KBTBD11: variants seen among roughly 807,000 people sequenced by gnomAD.
KBTBD11 encodes the protein kelch repeat and BTB domain-containing protein 11.
For synonymous variants in KBTBD11, 747 were observed against 499.0 expected (o/e 1.50, Z -6.63); for missense variants, 1,390 against 1,001.8 (o/e 1.39, Z -5.23).
intron 1 of KBTBD11, among the ~76,000 whole-genome samples, chr8:1,987,411 C>A (rs2129311575): frequency 6.6e-6 from 1 of 152,252 alleles, no homozygotes; most frequent in Middle Eastern, 3.4e-3. Context: ...GAAAAGGACA[C>A]AAAGCAATCT....
At chr8:1,977,774 G>T (rs1336740493) in intron 1 of KBTBD11, among the ~76,000 whole-genome samples, 1 of 152,044 alleles carries the variant, frequency 6.6e-6, no homozygotes, top group Non-Finnish European at 1.5e-5. Flanking sequence ...GGCCTCAAGT[G>T]ATCTTCCTGC....
rs191572987 is a variant in KBTBD11 at position 1,979,461 on chromosome 8, C to G, written c.-909+5526C>G. ...CCTGGCCAACATGGTGAAACCCCGT[C>G]TCTACTAAAAACACAAAAATTAGCC... On this transcript the variant is annotated intron_variant, in intron 1 of 1. Coordinates refer to ENST00000320248, the MANE Select transcript of KBTBD11 (RefSeq NM_014867.3). Among the ~76,000 whole-genome samples, 532 of 152,278 alleles carry G rather than the reference C, an allele frequency of 3.5e-3. 9 individuals are homozygous for G. The highest frequency in any genetic ancestry group is 1.5e-3 in the South Asian group (7 of 4,826).
intron 1 of KBTBD11, among the ~76,000 whole-genome samples, chr8:1,980,373 T>C (rs71499055): frequency 0.17 from 25,349 of 151,808 alleles, 4,402 homozygotes; most frequent in African/African-American, 0.44. Context: ...ATTACAAGCA[T>C]GCATCACCAC....
chr8:1,975,087 A>G (rs1459228351), intron 1 of KBTBD11: 1 of 152,222 alleles, frequency 6.6e-6, no homozygotes, highest in Non-Finnish European at 1.5e-5. Context: ...TATTAGAATA[A>G]TCCTCCCCAT....
At chr8:1,979,247 TTGAC>T (rs1465404725) in intron 1 of KBTBD11, among the ~76,000 whole-genome samples, 5 of 152,196 alleles carry the variant, frequency 3.3e-5, no homozygotes, top group African/African-American at 9.7e-5. Context: ...TTTTAAGGCT[TTGAC>T]TGATTGGACG....
At chr8:1,989,617 T>C (rs566678418) in intron 1 of KBTBD11, among the ~76,000 whole-genome samples, 3 of 152,168 alleles carry the variant, frequency 2.0e-5, no homozygotes, top group Non-Finnish European at 2.9e-5. Flanking sequence ...AGGAAGCAGA[T>C]CAGGAAATCT....
At position 2,002,960 on chromosome 8, in the gene KBTBD11, G is replaced by T. The variant is rs1270625655; in HGVS notation, c.1768G>T (p.Gly590Cys). The change falls in exon 2 of 2, where the codon GGC becomes TGC. Residue 590 changes from glycine (G) to cysteine (C), a missense_variant. Physicochemically the swap from Gly to Cys is radical, Grantham distance 159. Transcript: ENST00000320248. The surrounding 1 kb of genome is among the most constrained non-coding windows in gnomAD (Gnocchi z 4.1). ...EAGGDAGQGG[G>C]FEALGAPLDV... ...CGGCGGCGACGCAGGCCAGGGCGGC[G>T]GCTTCGAGGCGCTGGGCGCCCCCTT... 7.6e-6 allele frequency: 10 copies of T among 1,315,478 alleles called. No homozygotes were observed. The highest frequency in any genetic ancestry group is 9.7e-6 in the Non-Finnish European group (10 of 1,033,702). 81.5% of individuals were successfully genotyped at this position (1,315,478 alleles called of 1,614,324 possible). A position where few individuals can be genotyped will look rare whatever the true frequency, so the allele number is the denominator to read the frequency against.
Position 2,006,727 on chromosome 8 carries a change from G to T in KBTBD11, c.*3663G>T, listed in dbSNP as rs1325026442. 2 of 167,124 alleles carry T rather than the reference G, an allele frequency of 1.2e-5. No homozygotes were observed. The allele number at this position is 167,124 out of a possible 1,614,324, so 10.4% of individuals were successfully genotyped here. ...TGAGATCAAAGCTCCTCCAAAGCCT[G>T]TTCAAGCTCTAAGCGATTCTCAAAT... On this transcript the variant is annotated 3_prime_UTR_variant, in exon 2 of 2. Transcript: ENST00000320248.
Position 2,001,829 on chromosome 8 carries a change from C to T in KBTBD11, c.637C>T (p.Arg213Cys), listed in dbSNP as rs1817376904. Residue 213 changes from arginine (R) to cysteine (C), a missense_variant, in exon 2 of 2, where the codon CGC becomes TGC. Transcript: ENST00000320248. ...NVAEVVAGAR[R>C]LQLPGAAQRA... ...GGCCGAGGTGGTGGCCGGCGCGCGCCGCCTGCAGCTGCCCGGCGCCGCGCA... is the reference window on the plus strand; with the variant it reads ...GGCCGAGGTGGTGGCCGGCGCGCGCTGCCTGCAGCTGCCCGGCGCCGCGCA... 8.2e-7 allele frequency: 1 copy of T among 1,217,532 alleles called. No homozygotes were observed. Among genetic ancestry groups the T allele is most frequent in the Non-Finnish European group, 1.0e-6 (1 of 982,246 alleles). The allele number at this position is 1,217,532 out of a possible 1,614,324, so 75.4% of individuals were successfully genotyped here.
chr8:1,986,012 C>G (rs1816697757), intron 1 of KBTBD11, among the ~76,000 whole-genome samples: 1 of 152,250 alleles, frequency 6.6e-6, no homozygotes, highest in African/African-American at 2.4e-5. Context: ...GCTCACATAA[C>G]TGCACTCTTG....
intron 1 of KBTBD11, among the ~76,000 whole-genome samples, chr8:1,990,448 C>A (rs113635460): frequency 8.8e-6 from 1 of 114,220 alleles, no homozygotes; most frequent in Non-Finnish European, 1.8e-5. Flanking sequence ...TGCTGCGGGG[C>A]CTTGGCGCCC....
In KBTBD11 at chr8:2,005,297, A is replaced by G. The variant is rs1216141601; in HGVS notation, c.*2233A>G. 6.0e-6 allele frequency: 1 copy of G among 167,142 alleles called. No homozygotes were observed. Among genetic ancestry groups the G allele is most frequent in the Non-Finnish European group, 1.5e-5 (1 of 68,138 alleles). The allele number at this position is 167,142 out of a possible 1,614,324, so 10.4% of individuals were successfully genotyped here. A position where few individuals can be genotyped will look rare whatever the true frequency, so the allele number is the denominator to read the frequency against. On this transcript the variant is annotated 3_prime_UTR_variant, in exon 2 of 2. Transcript: ENST00000320248. ...AGAATAAGAGGAATTAATACCCACCATTAAAGGATGTCCGGCCAACCTATT... is the reference window on the plus strand; with the variant it reads ...AGAATAAGAGGAATTAATACCCACCGTTAAAGGATGTCCGGCCAACCTATT...
At chr8:1,991,834 G>A (rs927065365) in intron 1 of KBTBD11, among the ~76,000 whole-genome samples, 1 of 152,016 alleles carries the variant, frequency 6.6e-6, no homozygotes, top group African/African-American at 2.4e-5. Flanking sequence ...GTGGGAGTAA[G>A]TTACAGGGAA....
intron 1 of KBTBD11, among the ~76,000 whole-genome samples, chr8:1,999,140 T>G (rs956465912): frequency 1.3e-5 from 2 of 152,182 alleles, no homozygotes; most frequent in African/African-American, 4.8e-5. Flanking sequence ...TTGTGAAAGA[T>G]ATCTGGAAGA....
chr8:1,978,026 C>T (rs922162025), intron 1 of KBTBD11, among the ~76,000 whole-genome samples: 1 of 152,204 alleles, frequency 6.6e-6, no homozygotes, highest in African/African-American at 2.4e-5. Flanking sequence ...TTGCAGGGTA[C>T]ATGTGCGGGA....
chr8:1,984,001 G>C (rs138343943), intron 1 of KBTBD11, among the ~76,000 whole-genome samples: 2 of 152,196 alleles, frequency 1.3e-5, no homozygotes, highest in African/African-American at 2.4e-5. Flanking sequence ...GTGGTGGCAG[G>C]CACCTTTAGT....
At chr8:1,981,430 A>G (rs7387163) in intron 1 of KBTBD11, among the ~76,000 whole-genome samples, 2 of 152,106 alleles carry the variant, frequency 1.3e-5, no homozygotes, top group Non-Finnish European at 2.9e-5. Context: ...TAAATTAACT[A>G]CATCTTCAGT....
In KBTBD11 at chr8:2,003,080, G is replaced by A. The variant is rs1184935100; in HGVS notation, c.*16G>A. 7.9e-7 allele frequency: 1 copy of A among 1,259,384 alleles called. No homozygotes were observed. Among genetic ancestry groups the A allele is most frequent in the Admixed American group, 4.2e-5 (1 of 23,742 alleles). 78.0% of individuals were successfully genotyped at this position (1,259,384 alleles called of 1,614,324 possible). On this transcript the variant is annotated 3_prime_UTR_variant, in exon 2 of 2. Coordinates refer to ENST00000320248, the MANE Select transcript of KBTBD11 (RefSeq NM_014867.3). ...CGCCCCGTAGGCCGGCGGGGTCGGCGGGCGTCTCCCTCGGCAGGGGTTTGC... is the reference window on the plus strand; with the variant it reads ...CGCCCCGTAGGCCGGCGGGGTCGGCAGGCGTCTCCCTCGGCAGGGGTTTGC...
intron 1 of KBTBD11, among the ~76,000 whole-genome samples, chr8:1,990,324 G>A (rs1287212749): frequency 6.9e-6 from 1 of 144,290 alleles, no homozygotes. Flanking sequence ...CTGGGCCTTG[G>A]TGCCCTGTCT....
Sources: allele counts gnomAD v4.1 joint callset (sites outside exome capture counted in the v4.1 genomes callset), GRCh38; gene constraint gnomAD v4.1.1; non-coding constraint Gnocchi (gnomAD v3.1); transcripts MANE v1.5; gene names NCBI Gene and HGNC (gene_info 2026-07-23, HGNC 2026-07-21).